Variants in MVB12B observed in about 807,000 individuals in gnomAD.
MVB12B encodes ESCRT-I complex subunit MVB12B.
In MVB12B, 16 loss-of-function variants were observed where a neutral mutation model predicts 41.6. That is an observed-to-expected ratio of 0.38 (90% CI 0.26 to 0.58). The LOEUF is 0.58. Ranked by LOEUF, MVB12B falls within the 20% of genes least tolerant of loss-of-function variation. The pLI is 0.62. For synonymous variants in MVB12B, 133 were observed against 139.7 expected (o/e 0.95, Z 0.34); for missense variants, 274 against 380.2 (o/e 0.72, Z 2.32).
At chr9:126,380,489 A>G (rs939577921) in intron 2 of MVB12B, among the ~76,000 whole-genome samples, 15 of 152,110 alleles carry the variant, frequency 9.9e-5, no homozygotes, top group African/African-American at 2.9e-4. Flanking sequence ...TTGTTTTTCT[A>G]TCCTGATCCA....
chr9:126,489,011 C>T (rs1457174915), intron 9 of MVB12B, among the ~76,000 whole-genome samples: 1 of 152,228 alleles, frequency 6.6e-6, no homozygotes, highest in East Asian at 1.9e-4. Context: ...GATGGCCTGG[C>T]CTAGGAGCTG....
chr9:126,485,929 G>A (rs1833611309), intron 9 of MVB12B, among the ~76,000 whole-genome samples: 1 of 152,228 alleles, frequency 6.6e-6, no homozygotes, highest in East Asian at 1.9e-4. Context: ...TCCTCCGAGA[G>A]GAACATTCAT....
intron 7 of MVB12B, among the ~76,000 whole-genome samples, chr9:126,474,010 G>T (rs974996427): frequency 6.6e-6 from 1 of 152,198 alleles, no homozygotes. Context: ...GAGCTCCAGG[G>T]CCTGGAGAGA....
chr9:126,331,251 T>C lies in MVB12B; in HGVS notation c.81+4241T>C, dbSNP rs1829122609. ...CAGCAGTGTGCCAGAGTTTCCAATCTCTTCACATGCTTGCGAACAGTTATT... is the reference window on the plus strand; with the variant it reads ...CAGCAGTGTGCCAGAGTTTCCAATCCCTTCACATGCTTGCGAACAGTTATT... On this transcript the variant is annotated intron_variant, in intron 1 of 9. Coordinates refer to ENST00000361171, the MANE Select transcript of MVB12B (RefSeq NM_033446.3). Among the ~76,000 whole-genome samples, 4 of 152,368 alleles carry C rather than the reference T, an allele frequency of 2.6e-5. No homozygotes were observed. The South Asian group carries it at 8.3e-4, about 32-fold the overall frequency.
At chr9:126,453,830 CAT>C (rs1248266238) in intron 7 of MVB12B, among the ~76,000 whole-genome samples, 3 of 152,172 alleles carry the variant, frequency 2.0e-5, no homozygotes, top group Admixed American at 1.3e-4. Context: ...GCACACATGA[CAT>C]ATACACAGGT....
At chr9:126,368,962 C>T (rs1830260176) in intron 2 of MVB12B, among the ~76,000 whole-genome samples, 1 of 152,100 alleles carries the variant, frequency 6.6e-6, no homozygotes, top group Admixed American at 6.5e-5. Flanking sequence ...TCATGTAGAT[C>T]TTTCTAGACT....
At chr9:126,377,347 G>A (rs1299360959) in intron 2 of MVB12B, among the ~76,000 whole-genome samples, 1 of 152,200 alleles carries the variant, frequency 6.6e-6, no homozygotes, top group African/African-American at 2.4e-5. Flanking sequence ...TGAAGGTTCT[G>A]CAGTCAGCAG....
intron 7 of MVB12B, among the ~76,000 whole-genome samples, chr9:126,467,149 T>C (rs1404878333): frequency 2.6e-5 from 4 of 152,172 alleles, no homozygotes; most frequent in African/African-American, 7.2e-5. Flanking sequence ...TCAGATTTGA[T>C]TGAAGTAATT....
Position 126,395,857 on chromosome 9 carries a change from G to T in MVB12B, c.662+160G>T. ...AGAGGAGATTTTTAAAAATCCACTTGGAAATCTTTGCATTACATGAATGCA... is the reference window on the plus strand; with the variant it reads ...AGAGGAGATTTTTAAAAATCCACTTTGAAATCTTTGCATTACATGAATGCA... On this transcript the variant is annotated intron_variant, in intron 6 of 9. Coordinates refer to ENST00000361171, the MANE Select transcript of MVB12B (RefSeq NM_033446.3). The surrounding 1 kb of genome is among the most constrained non-coding windows in gnomAD (Gnocchi z 4.9). 1 of 1,431,120 alleles carries T rather than the reference G, an allele frequency of 7.0e-7. No homozygotes were observed. The highest frequency in any genetic ancestry group is 1.6e-5 in the South Asian group (1 of 64,424). The allele number at this position is 1,431,120 out of a possible 1,614,324, so 88.7% of individuals were successfully genotyped here.
At chr9:126,493,439 C>T (rs774220513) in intron 9 of MVB12B, among the ~76,000 whole-genome samples, 2 of 152,112 alleles carry the variant, frequency 1.3e-5, no homozygotes, top group Non-Finnish European at 2.9e-5. Flanking sequence ...TGAATCTTAT[C>T]GCTTTATAGT....
chr9:126,408,331 C>T (rs1157976418), intron 6 of MVB12B: 2 of 152,128 alleles, frequency 1.3e-5, no homozygotes, highest in Non-Finnish European at 2.9e-5. Flanking sequence ...TACATCACTC[C>T]TCATTAAAAG....
intron 7 of MVB12B, among the ~76,000 whole-genome samples, chr9:126,474,043 C>T (rs933048469): frequency 1.1e-4 from 17 of 152,140 alleles, no homozygotes; most frequent in African/African-American, 1.9e-4. Context: ...ACCTGGGTGC[C>T]GTCTTTGGCT....
intron 9 of MVB12B, among the ~76,000 whole-genome samples, chr9:126,494,240 A>G (rs925378435): frequency 2.0e-5 from 3 of 152,128 alleles, no homozygotes; most frequent in African/African-American, 7.2e-5. Context: ...GCATATTAAT[A>G]CGGTGGATTG....
intron 4 of MVB12B, among the ~76,000 whole-genome samples, chr9:126,387,303 T>G (rs532121091): frequency 5.6e-4 from 85 of 152,360 alleles, no homozygotes; most frequent in African/African-American, 2.0e-3. Flanking sequence ...TGGTGTAATT[T>G]AACTTACCTT....
At chr9:126,327,197 G>A in intron 1 of MVB12B, 187 bp downstream of exon 1, 1 of 968,756 alleles carries the variant, frequency 1.0e-6, no homozygotes, top group Non-Finnish European at 1.2e-6. Context: ...GCAGAGCCCC[G>A]AGCGCGCCGC....
In MVB12B at chr9:126,483,040, G is replaced by A. The variant is rs536941537; in HGVS notation, c.814-933G>A. ...CACAGGAAACCCCTGCTGGCTTCGCGGAGGCTCCAGCTCCCCTCCCATCCC... is the reference window on the plus strand; with the variant it reads ...CACAGGAAACCCCTGCTGGCTTCGCAGAGGCTCCAGCTCCCCTCCCATCCC... On this transcript the variant is annotated intron_variant, in intron 8 of 9. Coordinates refer to ENST00000361171, the MANE Select transcript of MVB12B (RefSeq NM_033446.3). Among the ~76,000 whole-genome samples, 5 of 152,350 alleles carry A rather than the reference G, an allele frequency of 3.3e-5. No homozygotes were observed. The East Asian group carries it at 5.8e-4, about 18-fold the overall frequency.
At chr9:126,460,732 G>A (rs939804932) in intron 7 of MVB12B, among the ~76,000 whole-genome samples, 1 of 152,124 alleles carries the variant, frequency 6.6e-6, no homozygotes, top group Admixed American at 6.5e-5. Flanking sequence ...AAGTTCCAGA[G>A]TGATGGCCAG....
At chr9:126,422,014 C>T (rs946505170) in intron 7 of MVB12B, 66 bp downstream of exon 7, 7 of 1,127,920 alleles carry the variant, frequency 6.2e-6, no homozygotes, top group East Asian at 2.3e-5. Context: ...TCCTTCCACA[C>T]GTTCTCTGTC....
intron 7 of MVB12B, among the ~76,000 whole-genome samples, chr9:126,455,716 G>A (rs1338842055): frequency 6.6e-6 from 1 of 151,186 alleles, no homozygotes; most frequent in Non-Finnish European, 1.5e-5. Flanking sequence ...GAACTCCTGG[G>A]CTCAAGTGAT....
Sources: allele counts gnomAD v4.1 joint callset (sites outside exome capture counted in the v4.1 genomes callset), GRCh38; gene constraint gnomAD v4.1.1; non-coding constraint Gnocchi (gnomAD v3.1); transcripts MANE v1.5; gene names NCBI Gene and HGNC (gene_info 2026-07-23, HGNC 2026-07-21).